RFX3: variants seen among roughly 807,000 people sequenced by gnomAD.
RFX3 encodes regulatory factor X3, also known as transcription factor RFX3.
RFX3 carries 14 observed loss-of-function variants against 98.6 expected under a neutral mutation model. The observed-to-expected ratio is 0.14, with a 90% CI of 0.09 to 0.22. The LOEUF (loss-of-function observed/expected upper bound fraction) is 0.22, where lower values mean the gene tolerates loss of function less well. Ranked by LOEUF, RFX3 falls within the 10% of genes least tolerant of loss-of-function variation. The pLI is 1.00. For synonymous variants in RFX3, 383 were observed against 328.4 expected, an observed-to-expected ratio of 1.17 and a Z score of -1.80; for missense variants, 639 against 926.9, an observed-to-expected ratio of 0.69 and a Z score of 4.03.
intron 11 of RFX3, among the ~76,000 whole-genome samples, chr9:3,267,974 T>C (rs1303952465): frequency 6.6e-6 from 1 of 151,866 alleles, no homozygotes; most frequent in Non-Finnish European, 1.5e-5. Flanking sequence ...TTACGGGCCT[T>C]GTTTTATCTA....
At chr9:3,288,442 A>T (rs1382603919) in intron 6 of RFX3, among the ~76,000 whole-genome samples, 192 bp from the exon 7 acceptor site, 1 of 152,120 alleles carries the variant, frequency 6.6e-6, no homozygotes, top group Non-Finnish European at 1.5e-5. Flanking sequence ...TCAAAATAAG[A>T]TTCCAAATCA....
At chr9:3,485,940 C>T (rs1850228813) in intron 1 of RFX3, among the ~76,000 whole-genome samples, 1 of 151,784 alleles carries the variant, frequency 6.6e-6, no homozygotes, top group African/African-American at 2.4e-5. Flanking sequence ...GCCTGACCAA[C>T]GTGGAGAAAC....
chr9:3,483,814 T>C (rs939362957), intron 1 of RFX3, among the ~76,000 whole-genome samples: 7 of 152,204 alleles, frequency 4.6e-5, no homozygotes, highest in African/African-American at 1.7e-4. Flanking sequence ...ATGCATTACC[T>C]GAGTAAATTA....
At chr9:3,381,224 CA>C (rs1333179612) in intron 2 of RFX3, among the ~76,000 whole-genome samples, 1 of 150,730 alleles carries the variant, frequency 6.6e-6, no homozygotes, top group African/African-American at 2.4e-5. Context: ...AAACAAAGAC[CA>C]AAAAAAATTC....
intron 1 of RFX3, among the ~76,000 whole-genome samples, chr9:3,493,297 C>T (rs1208045474): frequency 6.6e-6 from 1 of 152,130 alleles, no homozygotes; most frequent in Non-Finnish European, 1.5e-5. Context: ...GTTCCCCTGA[C>T]TTCTGATCCA....
At chr9:3,470,810 G>A (rs1199719722) in intron 1 of RFX3, among the ~76,000 whole-genome samples, 2 of 152,158 alleles carry the variant, frequency 1.3e-5, no homozygotes, top group Non-Finnish European at 2.9e-5. Context: ...AAAAGTATTA[G>A]GAGGTGATCC....
intron 5 of RFX3, among the ~76,000 whole-genome samples, chr9:3,295,448 C>T (rs1297059762): frequency 6.6e-6 from 1 of 151,846 alleles, no homozygotes; most frequent in Non-Finnish European, 1.5e-5. Context: ...CTTCTAGTGG[C>T]AGTCTTAATA....
At chr9:3,401,468 G>C (rs755709015) in intron 1 of RFX3, among the ~76,000 whole-genome samples, 4 of 152,230 alleles carry the variant, frequency 2.6e-5, no homozygotes, top group Non-Finnish European at 5.9e-5. Flanking sequence ...GTGGTTTCTG[G>C]TGTTTTGTTT....
chr9:3,260,165 C>T (rs1272232842), intron 13 of RFX3, among the ~76,000 whole-genome samples: 1 of 151,974 alleles, frequency 6.6e-6, no homozygotes, highest in Non-Finnish European at 1.5e-5. Context: ...ATGAAGGGCT[C>T]ACTACTGTGT....
At chr9:3,504,310 G>T in intron 1 of RFX3, among the ~76,000 whole-genome samples, 1 of 122,230 alleles carries the variant, frequency 8.2e-6, no homozygotes, top group African/African-American at 3.2e-5. Flanking sequence ...ATACCACATA[G>T]CATATATTAT....
intron 1 of RFX3, among the ~76,000 whole-genome samples, chr9:3,525,009 G>A (rs934752991): frequency 6.6e-6 from 1 of 151,898 alleles, no homozygotes; most frequent in Non-Finnish European, 1.5e-5. Flanking sequence ...AGAAAGAGGG[G>A]GAGGGAAGAG....
At chr9:3,277,954 G>A (rs368203264) in intron 7 of RFX3, among the ~76,000 whole-genome samples, 54 of 151,862 alleles carry the variant, frequency 3.6e-4, no homozygotes, top group Non-Finnish European at 6.8e-4. Flanking sequence ...AGAACCTTTC[G>A]TGCATCTCAA....
intron 2 of RFX3, among the ~76,000 whole-genome samples, chr9:3,375,865 C>G (rs867892389): frequency 1.3e-5 from 2 of 152,120 alleles, no homozygotes; most frequent in Middle Eastern, 6.8e-3. Context: ...GAGGCTGAGG[C>G]AGGTGAATCG....
intron 1 of RFX3, among the ~76,000 whole-genome samples, chr9:3,435,441 T>C (rs979364004): frequency 2.0e-5 from 3 of 151,972 alleles, no homozygotes; most frequent in Admixed American, 6.6e-5. Context: ...ACATACACAT[T>C]AACCTAGGCC....
At chr9:3,437,450 A>G (rs1268051752) in intron 1 of RFX3, among the ~76,000 whole-genome samples, 1 of 152,108 alleles carries the variant, frequency 6.6e-6, no homozygotes, top group Non-Finnish European at 1.5e-5. Flanking sequence ...ATGAACAAGA[A>G]TACCCTGATT....
At chr9:3,447,907 C>G (rs1251684236) in intron 1 of RFX3, among the ~76,000 whole-genome samples, 4 of 152,098 alleles carry the variant, frequency 2.6e-5, no homozygotes, top group Non-Finnish European at 5.9e-5. Flanking sequence ...CTCTCATGAA[C>G]AATTTTAATC....
chr9:3,497,298 G>C (rs1851181347), intron 1 of RFX3, among the ~76,000 whole-genome samples: 1 of 151,974 alleles, frequency 6.6e-6, no homozygotes, highest in Middle Eastern at 3.2e-3. Context: ...AAGGTAACAA[G>C]TGCCACAAGG....
chr9:3,290,416 T>C (rs1230819217), intron 6 of RFX3, among the ~76,000 whole-genome samples: 1 of 152,118 alleles, frequency 6.6e-6, no homozygotes, highest in South Asian at 2.1e-4. Flanking sequence ...TAGGACCCAT[T>C]GAAATTCCTT....
intron 2 of RFX3, among the ~76,000 whole-genome samples, chr9:3,352,238 ATGTG>A (rs1240537359): frequency 6.6e-6 from 1 of 151,942 alleles, no homozygotes; most frequent in Non-Finnish European, 1.5e-5. Context: ...CATAAACAAA[ATGTG>A]TGTATGTGTG....
Sources: allele counts gnomAD v4.1 joint callset (sites outside exome capture counted in the v4.1 genomes callset), GRCh38; gene constraint gnomAD v4.1.1; transcripts MANE v1.5; gene names NCBI Gene and HGNC (gene_info 2026-07-23, HGNC 2026-07-21).